FBXO11: variants seen among roughly 807,000 people sequenced by gnomAD.
The protein encoded by FBXO11 is F-box protein 11.
Under a neutral mutation model 117.0 loss-of-function variants are expected in FBXO11, and 13 were observed. The ratio of observed to expected loss-of-function variants is 0.11; its 90% CI spans 0.07 to 0.18. The LOEUF is 0.18. Among genes scored for constraint, FBXO11 ranks in the 10% least tolerant of loss-of-function variants. The probability of loss-of-function intolerance (pLI) is 1.00; values close to 1 mark genes in which losing one functional copy is unlikely to be tolerated. For synonymous variants in FBXO11, 490 were observed against 380.5 expected (o/e 1.29, Z -3.35); for missense variants, 767 against 1,164.4 (o/e 0.66, Z 4.97).
chr2:47,824,589 T>C (rs1192023862), intron 11 of FBXO11, among the ~76,000 whole-genome samples: 1 of 152,224 alleles, frequency 6.6e-6, no homozygotes, highest in Non-Finnish European at 1.5e-5. Context: ...CTAAATACAA[T>C]GTTTTTGAAG....
rs368973067 is a variant in FBXO11 at position 47,855,107 on chromosome 2, G to T, written c.233-15338C>A. 5.3e-5 allele frequency among the ~76,000 whole-genome samples: 8 copies of T among 152,088 alleles called. No individual in the cohort carries two copies. The East Asian group carries it at 1.4e-3, about 26-fold the overall frequency. ...TTGTGAGATCACTATATCATTTTTA[G>T]GGATTTAGTGTTCAAGTTACTTTCT... On this transcript the variant is annotated intron_variant, in intron 1 of 22. Transcript: ENST00000403359.
chr2:47,823,032 T>TAG lies in FBXO11; in HGVS notation c.1616+109_1616+110dup, dbSNP rs1010823487. 2.0e-5 allele frequency: 13 copies of TAG among 664,616 alleles called. No individual in the cohort carries two copies. The African/African-American group carries it at 2.4e-4, about 12-fold the overall frequency. 41.2% of individuals were successfully genotyped at this position (664,616 alleles called of 1,614,324 possible). ...ACTTTAACTAGGAAAATCTATTTTA[T>TAG]AGTAGTCAAATGTCTAACAAAAACT... On this transcript the variant is annotated intron_variant, in intron 12 of 22. Transcript: ENST00000403359.
intron 11 of FBXO11, among the ~76,000 whole-genome samples, chr2:47,827,664 C>G (rs1671860684): frequency 6.6e-6 from 1 of 150,744 alleles, no homozygotes; most frequent in Non-Finnish European, 1.5e-5. Context: ...ACCTCTAGTA[C>G]AAAATAAATC....
intron 1 of FBXO11, among the ~76,000 whole-genome samples, chr2:47,869,421 TC>T (rs1421857958): frequency 1.3e-5 from 2 of 152,190 alleles, no homozygotes; most frequent in Non-Finnish European, 2.9e-5. Flanking sequence ...GGTAACTAAC[TC>T]TACAATGAAG....
chr2:47,812,208 C>T (rs1412758780), intron 18 of FBXO11, among the ~76,000 whole-genome samples: 1 of 152,186 alleles, frequency 6.6e-6, no homozygotes, highest in Non-Finnish European at 1.5e-5. Flanking sequence ...CGATGTGCTC[C>T]ACTCCATCAC....
chr2:47,830,469 T>G (rs1248523810), intron 11 of FBXO11, among the ~76,000 whole-genome samples: 3 of 151,954 alleles, frequency 2.0e-5, no homozygotes, highest in African/African-American at 7.3e-5. Flanking sequence ...GAAACGATGA[T>G]AAAAGAACTA....
intron 1 of FBXO11, among the ~76,000 whole-genome samples, chr2:47,894,322 A>G (rs956985083): frequency 2.6e-5 from 4 of 152,222 alleles, no homozygotes; most frequent in African/African-American, 9.6e-5. Context: ...TTATTGTAAG[A>G]CAATAAAGGG....
At position 47,905,917 on chromosome 2, in the gene FBXO11, A is replaced by G; in HGVS notation, c.-197T>C. The G allele has an allele frequency of 3.5e-6, 2 of 578,876 alleles. No individual in the cohort carries two copies. Among genetic ancestry groups the G allele is most frequent in the Non-Finnish European group, 5.5e-6 (2 of 362,204 alleles). The allele number at this position is 578,876 out of a possible 1,614,324, so 35.9% of individuals were successfully genotyped here. The stretch of plus-strand genomic sequence containing the variant: ...GAGAAAGGCCCGGGTAGACAGACGG[A>G]GACCGAGCGAGGCCGGCCGGGAGGG... On this transcript the variant is annotated 5_prime_UTR_variant, in exon 1 of 23. Transcript: ENST00000403359.
chr2:47,862,861 C>G (rs1176810146), intron 1 of FBXO11, among the ~76,000 whole-genome samples: 1 of 151,990 alleles, frequency 6.6e-6, no homozygotes, highest in Non-Finnish European at 1.5e-5. Context: ...TTGAGACCAG[C>G]CTGACCAACA....
chr2:47,810,256 C>CCA (rs931379350), intron 19 of FBXO11, 60 bp downstream of exon 19: 12 of 1,107,048 alleles, frequency 1.1e-5, no homozygotes, highest in Non-Finnish European at 1.3e-5. Flanking sequence ...TGAATATACT[C>CCA]CACATCAAAC....
At chr2:47,839,277 AG>A in intron 3 of FBXO11, 141 bp downstream of exon 3, 1 of 795,022 alleles carries the variant, frequency 1.3e-6, no homozygotes, top group East Asian at 2.7e-5. Context: ...GGGAGAGGTC[AG>A]GGTTCTAAAG....
At chr2:47,894,665 GA>G (rs1360945397) in intron 1 of FBXO11, among the ~76,000 whole-genome samples, 1 of 152,072 alleles carries the variant, frequency 6.6e-6, no homozygotes, top group Non-Finnish European at 1.5e-5. Flanking sequence ...TGACTAGTGG[GA>G]AAAAAGTTCC....
chr2:47,884,977 C>T (rs1676709884), intron 1 of FBXO11, among the ~76,000 whole-genome samples: 1 of 152,094 alleles, frequency 6.6e-6, no homozygotes, highest in Admixed American at 6.6e-5. Context: ...TGAGGAAATA[C>T]ATTCTGGTAA....
intron 1 of FBXO11, among the ~76,000 whole-genome samples, chr2:47,875,132 A>G (rs148990482): frequency 2.6e-5 from 4 of 152,146 alleles, no homozygotes; most frequent in African/African-American, 9.7e-5. Context: ...AACGATGACA[A>G]TGTTCCGTAT....
At chr2:47,881,301 G>T (rs1240723149) in intron 1 of FBXO11, among the ~76,000 whole-genome samples, 1 of 152,054 alleles carries the variant, frequency 6.6e-6, no homozygotes, top group Non-Finnish European at 1.5e-5. Flanking sequence ...GGGCTGTCTT[G>T]TTATGTATGT....
At chr2:47,825,671 G>C (rs982960433) in intron 11 of FBXO11, among the ~76,000 whole-genome samples, 1 of 150,528 alleles carries the variant, frequency 6.6e-6, no homozygotes, top group Non-Finnish European at 1.5e-5. Context: ...CAATCTCCTG[G>C]GCTCAAACGA....
chr2:47,881,991 G>C (rs1166763662), intron 1 of FBXO11, among the ~76,000 whole-genome samples: 1 of 152,086 alleles, frequency 6.6e-6, no homozygotes, highest in South Asian at 2.1e-4. Context: ...CAAGTGATCT[G>C]CCTATTTTGG....
chr2:47,848,165 C>T (rs1673568265), intron 1 of FBXO11, among the ~76,000 whole-genome samples: 2 of 151,808 alleles, frequency 1.3e-5, no homozygotes, highest in Non-Finnish European at 2.9e-5. Flanking sequence ...CAAACACACA[C>T]ACACATATAT....
At chr2:47,823,089 T>C (rs1671507063) in intron 12 of FBXO11, 54 bp downstream of exon 12, 3 of 1,330,508 alleles carry the variant, frequency 2.3e-6, no homozygotes, top group African/African-American at 1.5e-5. Context: ...TCTTGACTTT[T>C]AAGCAAACCT....
Sources: allele counts gnomAD v4.1 joint callset (sites outside exome capture counted in the v4.1 genomes callset), GRCh38; gene constraint gnomAD v4.1.1; transcripts MANE v1.5; gene names NCBI Gene and HGNC (gene_info 2026-07-23, HGNC 2026-07-21).